Variants in CYRIB observed in about 807,000 individuals in gnomAD.
CYRIB encodes CYFIP-related Rac1 interactor B.
Under a neutral mutation model 44.2 loss-of-function variants are expected in CYRIB, and 8 were observed. That is an observed-to-expected ratio of 0.18 (90% CI 0.11 to 0.33). The LOEUF (loss-of-function observed/expected upper bound fraction) is 0.33. Among genes scored for constraint, CYRIB ranks in the 10% least tolerant of loss-of-function variants. The pLI, the probability that CYRIB is intolerant of heterozygous loss-of-function variation, is 1.00. For synonymous variants in CYRIB, 131 were observed against 127.2 expected (o/e 1.03, Z -0.20); for missense variants, 185 against 382.8 (o/e 0.48, Z 4.31).
chr8:129,947,390 T>C lies in CYRIB; in HGVS notation c.-243+23553A>G, dbSNP rs568510488. The stretch of plus-strand genomic sequence containing the variant: ...TTATTTTACATTTTTAGCTTAAAAA[T>C]GTTTTAACTAAAAAAACCCCAAAGA... On this transcript the variant is annotated intron_variant, in intron 2 of 14. Coordinates refer to the CYRIB transcript ENST00000401979. Among the ~76,000 whole-genome samples the C allele has an allele frequency of 2.6e-4, 39 of 152,162 alleles. 1 individual carries two copies. Among genetic ancestry groups the C allele is most frequent in the Non-Finnish European group, 4.6e-4 (31 of 68,032 alleles).
intron 2 of CYRIB, among the ~76,000 whole-genome samples, chr8:129,955,380 G>A (rs2094755707): frequency 6.6e-6 from 1 of 151,930 alleles, no homozygotes; most frequent in Non-Finnish European, 1.5e-5. Context: ...ACACTAAGCT[G>A]CTTACAGAGT....
chr8:129,952,559 C>A (rs1293785601), intron 2 of CYRIB, among the ~76,000 whole-genome samples: 7 of 151,976 alleles, frequency 4.6e-5, no homozygotes, highest in Admixed American at 6.6e-5. Context: ...AAATAATATT[C>A]TTTTTCATTT....
At chr8:129,949,076 A>C (rs1452168969) in intron 2 of CYRIB, 1 of 152,134 alleles carries the variant, frequency 6.6e-6, no homozygotes, top group Non-Finnish European at 1.5e-5. Context: ...CCCTGTCTCA[A>C]AAGAAAAGAA....
At chr8:129,989,267 T>G (rs1554758590) in intron 1 of CYRIB, among the ~76,000 whole-genome samples, 1 of 152,202 alleles carries the variant, frequency 6.6e-6, no homozygotes, top group Non-Finnish European at 1.5e-5. Flanking sequence ...TTAGACTTTC[T>G]GTGGTCTCTC....
At chr8:129,869,023 C>A (rs756712404) in intron 4 of CYRIB, among the ~76,000 whole-genome samples, 74 of 126,674 alleles carry the variant, frequency 5.8e-4, no homozygotes, top group Non-Finnish European at 4.4e-4. Flanking sequence ...CAGAGCGAAA[C>A]CCCATTAAAA....
intron 1 of CYRIB, among the ~76,000 whole-genome samples, chr8:130,008,026 T>C (rs1278329037): frequency 6.6e-6 from 1 of 151,998 alleles, no homozygotes; most frequent in Non-Finnish European, 1.5e-5. Flanking sequence ...CTGTCCAACA[T>C]GGTGAAACTC....
At chr8:129,905,201 G>GGATGGATT (rs1554601448) in intron 1 of CYRIB, among the ~76,000 whole-genome samples, 9 of 150,384 alleles carry the variant, frequency 6.0e-5, no homozygotes, top group Non-Finnish European at 7.4e-5. Context: ...CACCCAGGCT[G>GGATGGATT]GATTGATTGA....
At chr8:129,916,476 A>T (rs984022901) in intron 1 of CYRIB, among the ~76,000 whole-genome samples, 1 of 152,100 alleles carries the variant, frequency 6.6e-6, no homozygotes, top group Non-Finnish European at 1.5e-5. Flanking sequence ...TGGCACACTT[A>T]GGAATGAATA....
At chr8:129,957,913 C>T (rs1179163767) in intron 2 of CYRIB, among the ~76,000 whole-genome samples, 2 of 148,672 alleles carry the variant, frequency 1.3e-5, no homozygotes, top group Admixed American at 6.8e-5. Flanking sequence ...TGCAGTGAGC[C>T]GAGATCGCGC....
At chr8:129,956,000 G>C (rs959755515) in intron 2 of CYRIB, among the ~76,000 whole-genome samples, 1 of 152,142 alleles carries the variant, frequency 6.6e-6, no homozygotes, top group Non-Finnish European at 1.5e-5. Context: ...GGTCCCTCTG[G>C]GGTCAAGAAG....
chr8:130,006,683 T>TAC, intron 1 of CYRIB, among the ~76,000 whole-genome samples: 1 of 138,612 alleles, frequency 7.2e-6, no homozygotes. Flanking sequence ...TGTATATATA[T>TAC]ACACACATAT....
chr8:129,881,137 C>A (rs1478207268), intron 2 of CYRIB, among the ~76,000 whole-genome samples: 1 of 152,090 alleles, frequency 6.6e-6, no homozygotes, highest in African/African-American at 2.4e-5. Context: ...TTGCGGAGGA[C>A]AAAAAGTGAA....
At chr8:129,938,204 TC>T (rs1015004028) in intron 1 of CYRIB, among the ~76,000 whole-genome samples, 3 of 152,278 alleles carry the variant, frequency 2.0e-5, no homozygotes, top group Admixed American at 6.5e-5. Context: ...AAACAGGCTA[TC>T]AAATAAACCC....
intron 2 of CYRIB, among the ~76,000 whole-genome samples, chr8:129,961,890 G>C (rs149848100): frequency 1.3e-5 from 2 of 152,104 alleles, no homozygotes; most frequent in Non-Finnish European, 2.9e-5. Flanking sequence ...CTATGACCTC[G>C]GGCAAGTTCC....
At chr8:129,898,346 T>C (rs2069358765) in intron 2 of CYRIB, among the ~76,000 whole-genome samples, 1 of 152,130 alleles carries the variant, frequency 6.6e-6, no homozygotes, top group African/African-American at 2.4e-5. Flanking sequence ...CTAAAACTTC[T>C]AAGTTAGAAA....
At chr8:129,844,214 T>G (rs973962334) in intron 11 of CYRIB, 1 of 152,214 alleles carries the variant, frequency 6.6e-6, no homozygotes, top group African/African-American at 2.4e-5. Flanking sequence ...TACTCAGCAA[T>G]GTACTGTACT....
chr8:129,931,611 C>T (rs183658734), intron 1 of CYRIB, among the ~76,000 whole-genome samples: 1 of 152,208 alleles, frequency 6.6e-6, no homozygotes. Flanking sequence ...TAATATGTGT[C>T]GTGTTCTTAT....
At chr8:129,898,739 A>G (rs901968594) in intron 2 of CYRIB, among the ~76,000 whole-genome samples, 3 of 152,234 alleles carry the variant, frequency 2.0e-5, no homozygotes, top group Admixed American at 6.5e-5. Context: ...TATGTACTTG[A>G]ATAATTTTCT....
intron 2 of CYRIB, 74 bp from the exon 5 acceptor site, chr8:129,879,545 AATAGTAACAGGGAAAATGTTCAT>A: frequency 9.1e-7 from 1 of 1,098,534 alleles, no homozygotes; most frequent in Non-Finnish European, 1.3e-6. Context: ...CTTAAAGAAA[AATAGTAACAGGGAAAATGTTCAT>A]TAGGCCATGA....
Sources: allele counts gnomAD v4.1 joint callset (sites outside exome capture counted in the v4.1 genomes callset), GRCh38; gene constraint gnomAD v4.1.1; transcripts MANE v1.5; gene names NCBI Gene and HGNC (gene_info 2026-07-23, HGNC 2026-07-21).